KATNBL1: variants seen among roughly 807,000 people sequenced by gnomAD.
KATNBL1 encodes the protein KATNB1-like protein 1.
In KATNBL1, 28 loss-of-function variants were observed where a neutral mutation model predicts 44.7. The observed-to-expected ratio is 0.63, with a 90% CI of 0.46 to 0.86. KATNBL1 has a LOEUF of 0.86. Ranked by LOEUF, KATNBL1 falls within the 40% of genes least tolerant of loss-of-function variation. KATNBL1 has a pLI of 0.00. For missense variants in KATNBL1, 272 were observed against 350.7 expected (o/e 0.78, Z 1.79); for synonymous variants, 78 against 114.9 (o/e 0.68, Z 2.06).
At chr15:34,188,136 G>GCAAAAAAAAAAAAAAAAAAAAAAAAAAAA (rs1394136257) in intron 1 of KATNBL1, among the ~76,000 whole-genome samples, 3 of 6,578 alleles carry the variant, frequency 4.6e-4, no homozygotes, top group Non-Finnish European at 1.3e-3. Context: ...AAGACGCCAT[G>GCAAAAAAAAAAAAAAAAAAAAAAAAAAAA]TAAAAAAAAA....
At chr15:34,208,663 T>C (rs932053332) in intron 1 of KATNBL1, 2 of 152,232 alleles carry the variant, frequency 1.3e-5, no homozygotes, top group African/African-American at 2.4e-5. Flanking sequence ...ATGAACTCCA[T>C]TTATCTTAAA....
chr15:34,196,391 C>G (rs1410673371), intron 1 of KATNBL1, among the ~76,000 whole-genome samples: 23 of 152,100 alleles, frequency 1.5e-4, no homozygotes, highest in Admixed American at 1.4e-3. Context: ...GCACTCCAGC[C>G]TGGGCAACAG....
intron 4 of KATNBL1, among the ~76,000 whole-genome samples, chr15:34,149,358 T>C (rs1413709661): frequency 6.6e-6 from 1 of 152,142 alleles, no homozygotes; most frequent in East Asian, 1.9e-4. Flanking sequence ...AAAAATTAAT[T>C]ACCTATATTG....
intron 4 of KATNBL1, among the ~76,000 whole-genome samples, chr15:34,149,957 C>T (rs944305079): frequency 3.3e-5 from 5 of 152,194 alleles, no homozygotes; most frequent in African/African-American, 1.2e-4. Context: ...TTTTACCTAT[C>T]AAAACTGATG....
intron 2 of KATNBL1, among the ~76,000 whole-genome samples, chr15:34,157,815 T>C (rs1398639399): frequency 1.3e-5 from 2 of 152,190 alleles, no homozygotes; most frequent in Admixed American, 1.3e-4. Flanking sequence ...TGATTTCCCA[T>C]GTTATATCCA....
At chr15:34,165,537 C>G (rs1185644145) in intron 1 of KATNBL1, among the ~76,000 whole-genome samples, 3 of 152,266 alleles carry the variant, frequency 2.0e-5, no homozygotes, top group South Asian at 4.1e-4. Flanking sequence ...TGGCTCATGC[C>G]TGTAATCCCA....
At chr15:34,192,413 A>AAC (rs1555530310) in intron 1 of KATNBL1, among the ~76,000 whole-genome samples, 1 of 152,056 alleles carries the variant, frequency 6.6e-6, no homozygotes, top group Non-Finnish European at 1.5e-5. Context: ...CAAAAAAAAA[A>AAC]AAAAAACAAA....
chr15:34,175,113 AACACACACACAC>A lies in KATNBL1; in HGVS notation c.-14-11435_-14-11424del, dbSNP rs71119940. Reference sequence around the variant, plus strand: ...AAAATAATACAAATGTAAAATAAGCAACACACACACACACACACACACACACACACACACACA... The same window carrying A: ...AAAATAATACAAATGTAAAATAAGCAACACACACACACACACACACACACA... On this transcript the variant is annotated intron_variant, in intron 1 of 9. Transcript: ENST00000256544. Among the ~76,000 whole-genome samples, 1,204 of 143,718 alleles carry A rather than the reference AACACACACACAC, an allele frequency of 8.4e-3. 12 individuals carry two copies. The highest frequency in any genetic ancestry group is 0.025 in the African/African-American group (958 of 38,416). 94.3% of individuals were successfully genotyped at this position (143,718 alleles called of 152,430 possible). A position where few individuals can be genotyped will look rare whatever the true frequency, so the allele number is the denominator to read the frequency against.
intron 1 of KATNBL1, chr15:34,199,883 CG>C (rs1890132923): frequency 6.6e-6 from 1 of 152,048 alleles, no homozygotes; most frequent in African/African-American, 2.4e-5. Flanking sequence ...GAAGATGACC[CG>C]AGCCGGTTGC....
chr15:34,174,666 C>A (rs557437112), intron 1 of KATNBL1, among the ~76,000 whole-genome samples: 2 of 147,860 alleles, frequency 1.4e-5, no homozygotes, highest in South Asian at 4.3e-4. Flanking sequence ...CAAATACTAA[C>A]TTTTTTTTTT....
chr15:34,155,700 A>G (rs73376178), intron 2 of KATNBL1, among the ~76,000 whole-genome samples: 19,883 of 152,106 alleles, frequency 0.13, 1,445 homozygotes, highest in Middle Eastern at 0.31. Context: ...AGGCCATTCT[A>G]TTTTCCCAAG....
chr15:34,162,053 T>C (rs1164493474), intron 2 of KATNBL1, among the ~76,000 whole-genome samples: 1 of 152,236 alleles, frequency 6.6e-6, no homozygotes, highest in Non-Finnish European at 1.5e-5. Flanking sequence ...ATTCAACAGA[T>C]AAGTTTTTCA....
At chr15:34,191,646 G>A (rs771570139) in intron 1 of KATNBL1, among the ~76,000 whole-genome samples, 36 of 152,136 alleles carry the variant, frequency 2.4e-4, no homozygotes, top group Admixed American at 7.2e-4. Context: ...GTTGTTGAGA[G>A]TCTTTTAGAA....
intron 1 of KATNBL1, among the ~76,000 whole-genome samples, chr15:34,171,381 A>G (rs556865908): frequency 3.2e-4 from 49 of 152,352 alleles, no homozygotes; most frequent in African/African-American, 1.2e-3. Context: ...CAAAACCACA[A>G]TGAGATACCG....
At chr15:34,145,254 T>C (rs941957871) in intron 9 of KATNBL1, 144 bp downstream of exon 9, 1 of 1,416,018 alleles carries the variant, frequency 7.1e-7, no homozygotes, top group Admixed American at 2.1e-5. Flanking sequence ...GCAGAGGACC[T>C]GAAGCATTTG....
intron 4 of KATNBL1, among the ~76,000 whole-genome samples, chr15:34,151,644 G>A (rs1888482202): frequency 6.6e-6 from 1 of 151,618 alleles, no homozygotes; most frequent in Non-Finnish European, 1.5e-5. Flanking sequence ...TAAAGATGGG[G>A]TTTTGCCATG....
intron 3 of KATNBL1, among the ~76,000 whole-genome samples, chr15:34,153,932 T>C (rs1888558672): frequency 6.6e-6 from 1 of 152,228 alleles, no homozygotes; most frequent in Non-Finnish European, 1.5e-5. Context: ...TTTAAATCAT[T>C]TGTTAATTCA....
chr15:34,195,403 G>T (rs956518054), intron 1 of KATNBL1, among the ~76,000 whole-genome samples: 11 of 152,104 alleles, frequency 7.2e-5, no homozygotes, highest in African/African-American at 2.7e-4. Context: ...AAAGCAGTGT[G>T]GAATAATAGA....
chr15:34,198,669 A>C (rs1890088634), intron 1 of KATNBL1, among the ~76,000 whole-genome samples: 1 of 152,220 alleles, frequency 6.6e-6, no homozygotes, highest in Admixed American at 6.5e-5. Flanking sequence ...CACAAAGAAC[A>C]ACAACAAAAA....
Sources: allele counts gnomAD v4.1 joint callset (sites outside exome capture counted in the v4.1 genomes callset), GRCh38; gene constraint gnomAD v4.1.1; transcripts MANE v1.5; gene names NCBI Gene and HGNC (gene_info 2026-07-23, HGNC 2026-07-21).